The following DCHS2 variants were observed in gnomAD, a reference collection of about 807,000 sequenced individuals.
DCHS2 encodes the protein dachsous cadherin-related 2.
A neutral mutation model predicts 182.4 loss-of-function variants in DCHS2; 142 were observed. That is an observed-to-expected ratio of 0.78 (90% confidence interval 0.68 to 0.89). The LOEUF (loss-of-function observed/expected upper bound fraction) is 0.89, where lower values mean the gene tolerates loss of function less well. Ranked by LOEUF, DCHS2 falls within the 40% of genes least tolerant of loss-of-function variation. The pLI, the probability that DCHS2 is intolerant of heterozygous loss-of-function variation, is 0.00. For synonymous variants in DCHS2, 1,740 were observed against 1,663.3 expected (o/e 1.05, Z -1.12); for missense variants, 4,319 against 4,198.6 (o/e 1.03, Z -0.79).
chr4:154,357,078 A>T (rs959710478), intron 3 of DCHS2: 1 of 585,612 alleles, frequency 1.7e-6, no homozygotes, highest in African/African-American at 1.8e-5. Context: ...CTTTCTTGAC[A>T]AGCGCTAGTA....
chr4:154,377,580 T>C (rs1434838644), intron 1 of DCHS2, 136 bp from the exon 2 acceptor site: 1 of 622,634 alleles, frequency 1.6e-6, no homozygotes, highest in Non-Finnish European at 2.7e-6. Flanking sequence ...TGGTTTCATA[T>C]CTCTCTCCTC....
At chr4:154,413,490 T>C (rs1732710886) in intron 1 of DCHS2, among the ~76,000 whole-genome samples, 1 of 152,220 alleles carries the variant, frequency 6.6e-6, no homozygotes, top group Non-Finnish European at 1.5e-5. Context: ...TAACATCTCA[T>C]TTCTCTCTGA....
chr4:154,308,802 C>A (rs889135556), intron 10 of DCHS2, among the ~76,000 whole-genome samples: 12 of 152,306 alleles, frequency 7.9e-5, no homozygotes, highest in Non-Finnish European at 1.8e-4. Context: ...CAGACAAATT[C>A]TCTACCCTCA....
intron 13 of DCHS2, among the ~76,000 whole-genome samples, chr4:154,271,138 A>T (rs1272407668): frequency 2.0e-5 from 3 of 152,154 alleles, no homozygotes; most frequent in Non-Finnish European, 4.4e-5. Flanking sequence ...TCTAGAACCA[A>T]ATAAGGCAGG....
intron 10 of DCHS2, among the ~76,000 whole-genome samples, chr4:154,311,530 C>T (rs1184376866): frequency 6.6e-6 from 1 of 152,170 alleles, no homozygotes; most frequent in Non-Finnish European, 1.5e-5. Flanking sequence ...CCACCGTGCC[C>T]AGCCAAGATT....
chr4:154,314,070 T>C (rs1373262811), intron 10 of DCHS2, among the ~76,000 whole-genome samples: 1 of 152,126 alleles, frequency 6.6e-6, no homozygotes, highest in East Asian at 1.9e-4. Flanking sequence ...TCTTCAAGCA[T>C]TAAAGCAAGA....
intron 1 of DCHS2, among the ~76,000 whole-genome samples, chr4:154,413,084 C>T (rs1732696389): frequency 6.6e-6 from 1 of 152,174 alleles, no homozygotes; most frequent in African/African-American, 2.4e-5. Context: ...TTTTTAATTA[C>T]AAGTCTGATT....
intron 1 of DCHS2, among the ~76,000 whole-genome samples, chr4:154,487,161 T>C (rs1728618927): frequency 6.6e-6 from 1 of 151,998 alleles, no homozygotes. Context: ...CTTCAGGGAG[T>C]TCCAGGTGGA....
intron 3 of DCHS2, among the ~76,000 whole-genome samples, chr4:154,350,414 A>G (rs975579686): frequency 6.6e-6 from 1 of 152,136 alleles, no homozygotes; most frequent in African/African-American, 2.4e-5. Context: ...GTTTTTTTTA[A>G]ATTTTTTTTC....
chr4:154,442,754 T>C (rs192609856), intron 1 of DCHS2, among the ~76,000 whole-genome samples: 1 of 152,202 alleles, frequency 6.6e-6, no homozygotes, highest in Admixed American at 6.5e-5. Context: ...CCTCTCCTTA[T>C]AATTATCTAC....
chr4:154,471,123 A>G (rs1735447109), intron 1 of DCHS2, among the ~76,000 whole-genome samples: 1 of 152,188 alleles, frequency 6.6e-6, no homozygotes, highest in Non-Finnish European at 1.5e-5. Flanking sequence ...TGCTGGCTAG[A>G]TTTTATAACC....
chr4:154,324,412 G>A (rs1328810268), intron 7 of DCHS2, among the ~76,000 whole-genome samples: 1 of 152,110 alleles, frequency 6.6e-6, no homozygotes, highest in African/African-American at 2.4e-5. Flanking sequence ...TTCCTTTGGT[G>A]GAAAATGGTT....
intron 1 of DCHS2, among the ~76,000 whole-genome samples, chr4:154,463,527 A>G (rs916404651): frequency 3.3e-5 from 5 of 152,138 alleles, no homozygotes; most frequent in Non-Finnish European, 7.4e-5. Flanking sequence ...AAAACTCTTT[A>G]ACGAAGCCTC....
rs531598749 is a variant in DCHS2 at position 154,343,322 on chromosome 4, C to T, written c.2477-8218G>A. 1.4e-5 allele frequency: 9 copies of T among 638,756 alleles called. No individual in the cohort carries two copies. The Admixed American group carries it at 2.3e-4, about 16-fold the overall frequency. The allele number at this position is 638,756 out of a possible 1,614,324, so 39.6% of individuals were successfully genotyped here. A position where few individuals can be genotyped will look rare whatever the true frequency, so the allele number is the denominator to read the frequency against. ...CACTTAAAGTCACCAGCTGCATTAG[C>T]CCCTAACAAGAGAGTCAGCCTGCCC... On this transcript the variant is annotated intron_variant, in intron 3 of 19. Transcript: ENST00000357232.
In DCHS2 at chr4:154,449,153, GAGA is replaced by G. The variant is rs1734427233; in HGVS notation, c.2052+40148_2052+40150del. On this transcript the variant is annotated intron_variant, in intron 1 of 19. Coordinates refer to ENST00000357232, the MANE Select transcript of DCHS2 (RefSeq NM_001358235.2). Reference sequence around the variant, plus strand: ...TTTCTGCCCCTTCGCACCCTGGCTGGAGAAGAAGATGAGGTTTTATAATTATAT... The same window carrying G: ...TTTCTGCCCCTTCGCACCCTGGCTGGAGAAGATGAGGTTTTATAATTATAT... 4.6e-5 allele frequency among the ~76,000 whole-genome samples: 7 copies of G among 151,666 alleles called. No individual in the cohort carries two copies. In the South Asian group the frequency reaches 1.5e-3, roughly 32 times the overall value.
intron 3 of DCHS2, among the ~76,000 whole-genome samples, chr4:154,336,504 C>A (rs1475476375): frequency 6.6e-6 from 1 of 152,198 alleles, no homozygotes; most frequent in Non-Finnish European, 1.5e-5. Context: ...ATACTGCAGT[C>A]TTTGCCAGTT....
At chr4:154,434,668 G>A (rs1442289853) in intron 1 of DCHS2, among the ~76,000 whole-genome samples, 1 of 152,048 alleles carries the variant, frequency 6.6e-6, no homozygotes, top group Non-Finnish European at 1.5e-5. Flanking sequence ...AAGATAATGT[G>A]CTTCCCAATA....
chr4:154,236,579 G>T lies in DCHS2; in HGVS notation c.8073C>A (p.Asp2691Glu). The change falls in exon 20 of 20, where the codon GAC (aspartate) becomes GAA (glutamate). Residue 2691 changes from aspartate (D) to glutamate (E), a missense_variant. Transcript: ENST00000357232. The stretch of plus-strand genomic sequence containing the variant: ...TTTCTGCATGTGACCCTGTGTCACG[G>T]TCATTTGCTGAGACCACAGTGATGT... ...GSHITVVSANDRDTGSHAEII... is the reference protein window; with the variant it reads ...GSHITVVSANERDTGSHAEII... 1 of 1,614,020 alleles carries T rather than the reference G, an allele frequency of 6.2e-7. No homozygotes were observed. Among genetic ancestry groups the T allele is most frequent in the South Asian group, 1.1e-5 (1 of 91,082 alleles).
intron 13 of DCHS2, among the ~76,000 whole-genome samples, chr4:154,286,767 G>A (rs1184612270): frequency 6.6e-6 from 1 of 152,116 alleles, no homozygotes; most frequent in African/African-American, 2.4e-5. Context: ...AGGGAAAGTA[G>A]AGAAAGAGGT....
Sources: gnomAD v4.1 joint callset for allele counts (sites outside exome capture counted in the v4.1 genomes callset) on GRCh38, gnomAD v4.1.1 for gene constraint, MANE v1.5 for transcripts, NCBI Gene and HGNC (gene_info 2026-07-23, HGNC 2026-07-21) for gene names.